The following DEAF1 variants were observed in gnomAD, a reference collection of about 807,000 sequenced individuals.
The protein encoded by DEAF1 is DEAF1 transcription factor.
A neutral mutation model predicts 58.9 loss-of-function variants in DEAF1; 53 were observed. That is an observed-to-expected ratio of 0.90 (90% CI 0.72 to 1.13). DEAF1 has a LOEUF of 1.13. Ranked by LOEUF, DEAF1 falls within the 50% of genes most tolerant of loss-of-function variation. The pLI, the probability that DEAF1 is intolerant of heterozygous loss-of-function variation, is 0.00. For missense variants in DEAF1, 685 were observed against 791.4 expected, an observed-to-expected ratio of 0.87 and a Z score of 1.61; for synonymous variants, 385 against 340.4, an observed-to-expected ratio of 1.13 and a Z score of -1.44.
chr11:670,190 G>C (rs1859749327), intron 10 of DEAF1, among the ~76,000 whole-genome samples: 1 of 151,944 alleles, frequency 6.6e-6, no homozygotes, highest in South Asian at 2.1e-4. Context: ...CCAGGTTCAT[G>C]CATTCATCAA....
At chr11:692,106 G>T in intron 1 of DEAF1, 1 of 243,596 alleles carries the variant, frequency 4.1e-6, no homozygotes, top group Non-Finnish European at 8.2e-6. Flanking sequence ...CATTGCCCTT[G>T]GTCTCTGACC....
At chr11:681,247 TTTTTGAGACGGAG>T (rs1430451335) in intron 6 of DEAF1, among the ~76,000 whole-genome samples, 158 bp from the exon 7 acceptor site, 2 of 152,134 alleles carry the variant, frequency 1.3e-5, no homozygotes, top group Non-Finnish European at 2.9e-5. Context: ...CTCTTTTTCT[TTTTTGAGACGGAG>T]TTTCACTCTA....
intron 9 of DEAF1, among the ~76,000 whole-genome samples, chr11:678,085 G>C (rs1266688908): frequency 6.6e-6 from 1 of 151,562 alleles, no homozygotes; most frequent in Admixed American, 6.6e-5. Flanking sequence ...AGGAGTTCGA[G>C]ATCTGTAATC....
At chr11:695,674 T>G, upstream of DEAF1, 3 of 1,243,708 alleles carry the variant, frequency 2.4e-6, no homozygotes, top group South Asian at 7.9e-5. Flanking sequence ...CCGGACGGAC[T>G]AATCGGGCCT....
chr11:686,960 C>T lies in DEAF1; in HGVS notation c.702G>A (p.Trp234Ter), dbSNP rs1387776324. ...RGRCIKQGENWYSPTEFEAMA... is the reference protein window; with the variant it reads ...RGRCIKQGEN Reference sequence around the variant, plus strand: ...TGGCCTCAAACTCGGTGGGACTGTACCAGTTCTCCCCCTGCTTGATGCACC... The same window carrying T: ...TGGCCTCAAACTCGGTGGGACTGTATCAGTTCTCCCCCTGCTTGATGCACC... The change falls in exon 5 of 12, where the codon TGG (tryptophan) becomes TGA (stop). Residue 234 changes from tryptophan (W) to a stop codon, truncating the protein, a stop_gained. Coordinates refer to ENST00000382409, the MANE Select transcript of DEAF1 (RefSeq NM_021008.4). LOFTEE classifies it high-confidence loss of function. The T allele has an allele frequency of 3.1e-6, 5 of 1,614,192 alleles. No individual in the cohort carries two copies. Among genetic ancestry groups the T allele is most frequent in the Non-Finnish European group, 4.2e-6 (5 of 1,180,030 alleles).
At chr11:657,710 G>A (rs920467271) in intron 10 of DEAF1, among the ~76,000 whole-genome samples, 3 of 152,086 alleles carry the variant, frequency 2.0e-5, no homozygotes, top group Non-Finnish European at 4.4e-5. Context: ...TGAGACAGGC[G>A]GCAGCACCCC....
intron 10 of DEAF1, among the ~76,000 whole-genome samples, chr11:662,219 T>C (rs1406799683): frequency 6.6e-6 from 1 of 151,650 alleles, no homozygotes; most frequent in African/African-American, 2.4e-5. Context: ...GCAGAGGTTG[T>C]GTGTGGTGAG....
At chr11:696,700 A>C (rs1232796298), upstream of DEAF1, among the ~76,000 whole-genome samples, 2 of 64,922 alleles carry the variant, frequency 3.1e-5, no homozygotes, top group Non-Finnish European at 6.8e-5. Flanking sequence ...CAGGAGGTCG[A>C]GGTTGCAGTG....
At chr11:676,487 G>A (rs970546242) in intron 9 of DEAF1, among the ~76,000 whole-genome samples, 15 of 151,114 alleles carry the variant, frequency 9.9e-5, no homozygotes, top group African/African-American at 1.5e-4. Context: ...TGAAATGTTC[G>A]CAGAATCAGC....
intron 5 of DEAF1, among the ~76,000 whole-genome samples, chr11:686,086 C>G (rs1038901394): frequency 2.7e-5 from 4 of 150,372 alleles, no homozygotes; most frequent in Admixed American, 2.7e-4. Context: ...ACTTCAAGAC[C>G]AGCCTGGCCA....
In DEAF1 at chr11:691,527, C is replaced by T. The variant is rs749825655; in HGVS notation, c.361G>A (p.Ala121Thr). 5.0e-6 allele frequency: 8 copies of T among 1,613,410 alleles called. No individual in the cohort carries two copies. Among genetic ancestry groups the T allele is most frequent in the Non-Finnish European group, 5.9e-6 (7 of 1,180,016 alleles). Residue 121 changes from alanine (A) to threonine (T), a missense_variant, in exon 2 of 12, where the codon GCG becomes ACG. By Grantham distance (58) the Ala-to-Thr change is moderately conservative. Coordinates refer to ENST00000382409, the MANE Select transcript of DEAF1 (RefSeq NM_021008.4). ...AGAACATGTCCTGAGATGGATGCCGCGTTCGCCACAGACGTGGTGAAGACA... is the reference window on the plus strand; with the variant it reads ...AGAACATGTCCTGAGATGGATGCCGTGTTCGCCACAGACGTGGTGAAGACA... ...DNVFTTSVAN[A>T]ASISGHVLSG...
chr11:648,437 C>T (rs532485610), intron 11 of DEAF1, among the ~76,000 whole-genome samples: 9 of 152,230 alleles, frequency 5.9e-5, no homozygotes, highest in African/African-American at 1.9e-4. Context: ...CCTCGTGATC[C>T]GCCCGCCTCG....
Position 688,078 on chromosome 11 carries a change from G to A in DEAF1, c.518-21C>T, listed in dbSNP as rs1393569114. ...AGGACCTTGGGCAGAGAAAGTGTTT[G>A]AAGGTGAGAGGCCGGACACCGGGAA... On this transcript the variant is annotated intron_variant, in intron 3 of 11. Transcript: ENST00000382409. This position sits in a 1 kb window ranked among gnomAD's most constrained non-coding sequence, Gnocchi z 4.3. 12 of 1,613,722 alleles carry A rather than the reference G, an allele frequency of 7.4e-6. No homozygotes were observed. The highest frequency in any genetic ancestry group is 1.0e-5 in the Non-Finnish European group (12 of 1,179,910).
At chr11:673,026 G>A (rs1422559870) in intron 10 of DEAF1, among the ~76,000 whole-genome samples, 1 of 152,122 alleles carries the variant, frequency 6.6e-6, no homozygotes, top group Admixed American at 6.6e-5. Flanking sequence ...GCAGGCGCCT[G>A]TAGTCCCAGC....
chr11:674,623 C>G lies in DEAF1; in HGVS notation c.1416G>C (p.Thr472=), dbSNP rs558929757. The change falls in exon 10 of 12, where the codon ACG becomes ACC. Residue 472 remains threonine, a synonymous_variant. Coordinates refer to ENST00000382409, the MANE Select transcript of DEAF1 (RefSeq NM_021008.4). ...SLLNTAQQLK[T]LFEQAKHAST... The stretch of plus-strand genomic sequence containing the variant: ...TGGCATGCTTGGCTTGCTCAAACAG[C>G]GTCTTCAGCTGCTGCGCTGTGTTGA... 1 of 1,614,144 alleles carries G rather than the reference C, an allele frequency of 6.2e-7. No individual in the cohort carries two copies. Among genetic ancestry groups the G allele is most frequent in the Non-Finnish European group, 8.5e-7 (1 of 1,180,040 alleles).
intron 10 of DEAF1, among the ~76,000 whole-genome samples, chr11:655,914 C>G (rs758228748): frequency 6.6e-6 from 1 of 151,898 alleles, no homozygotes; most frequent in Non-Finnish European, 1.5e-5. Context: ...CTCACTGCAA[C>G]CTCCACCTCC....
intron 6 of DEAF1, among the ~76,000 whole-genome samples, chr11:684,517 AT>A (rs1197157330): frequency 2.6e-5 from 4 of 152,264 alleles, no homozygotes; most frequent in African/African-American, 9.6e-5. Context: ...AGCTCTACAC[AT>A]GAATAAGTTT....
chr11:679,592 C>T, intron 8 of DEAF1, 96 bp downstream of exon 8: 3 of 1,580,484 alleles, frequency 1.9e-6, no homozygotes, highest in Admixed American at 3.3e-5. Context: ...TCTCGAGGCA[C>T]CCAGCAGCCT....
chr11:703,890 CCA>C (rs1412507028), intron 1 of DEAF1: 3 of 1,240,608 alleles, frequency 2.4e-6, no homozygotes, highest in Non-Finnish European at 3.0e-6. Flanking sequence ...TCCGTCCACT[CCA>C]GTTTTATCAG....
Sources: gnomAD v4.1 joint callset for allele counts (sites outside exome capture counted in the v4.1 genomes callset) on GRCh38, gnomAD v4.1.1 for gene constraint, Gnocchi (gnomAD v3.1) non-coding constraint, MANE v1.5 for transcripts, NCBI Gene and HGNC (gene_info 2026-07-23, HGNC 2026-07-21) for gene names.